The following RCBTB1 variants were observed in gnomAD, a reference collection of about 807,000 sequenced individuals.
RCBTB1 encodes the protein RCC1 and BTB domain-containing protein 1.
Under a neutral mutation model 62.4 loss-of-function variants are expected in RCBTB1, and 46 were observed. The observed-to-expected ratio is 0.74, with a 90% confidence interval of 0.58 to 0.94. The LOEUF (loss-of-function observed/expected upper bound fraction) is 0.94. Among genes scored for constraint, RCBTB1 ranks in the 40% least tolerant of loss-of-function variants. The pLI is 0.00. For synonymous variants in RCBTB1, 222 were observed against 245.8 expected, an observed-to-expected ratio of 0.90 and a Z score of 0.91; for missense variants, 565 against 654.9, an observed-to-expected ratio of 0.86 and a Z score of 1.50.
At chr13:49,564,079 C>T (rs1348107993) in intron 4 of RCBTB1, among the ~76,000 whole-genome samples, 1 of 152,080 alleles carries the variant, frequency 6.6e-6, no homozygotes, top group African/African-American at 2.4e-5. Context: ...GTTGGGTGCC[C>T]ACAGTACAGA....
At chr13:49,560,605 T>C (rs1195248234) in intron 4 of RCBTB1, among the ~76,000 whole-genome samples, 1 of 82,296 alleles carries the variant, frequency 1.2e-5, no homozygotes, top group Non-Finnish European at 2.4e-5. Flanking sequence ...GCATGAAATC[T>C]GGCTGAATTT....
chr13:49,552,706 G>C (rs879786349), intron 6 of RCBTB1, among the ~76,000 whole-genome samples: 2 of 152,116 alleles, frequency 1.3e-5, no homozygotes, highest in African/African-American at 4.8e-5. Context: ...ACAGCAAGGA[G>C]GAAGGCTTTA....
chr13:49,568,859 G>T (rs937106197), intron 2 of RCBTB1, among the ~76,000 whole-genome samples: 23 of 152,174 alleles, frequency 1.5e-4, no homozygotes, highest in African/African-American at 5.6e-4. Context: ...AACCCGGGAG[G>T]CGGAGGTTGC....
In RCBTB1 at chr13:49,534,082, T is replaced by C; in HGVS notation, c.*40A>G. ...CACAAACTGGACACATCCTCAACAG[T>C]GCCCCAGAGCACTCACACAGAACCC... On this transcript the variant is annotated 3_prime_UTR_variant, in exon 13 of 13. Coordinates refer to ENST00000378302, the MANE Select transcript of RCBTB1 (RefSeq NM_018191.4). 6.3e-6 allele frequency: 10 copies of C among 1,595,814 alleles called. No individual in the cohort carries two copies. The highest frequency in any genetic ancestry group is 8.5e-6 in the Non-Finnish European group (10 of 1,170,270).
intron 7 of RCBTB1, among the ~76,000 whole-genome samples, 154 bp from the exon 8 acceptor site, chr13:49,551,622 C>T (rs766892734): frequency 2.6e-5 from 4 of 152,166 alleles, no homozygotes; most frequent in Admixed American, 6.5e-5. Flanking sequence ...ATTAGAAGGC[C>T]GGGCGTGGTG....
At chr13:49,549,126 T>G (rs1442876295) in intron 9 of RCBTB1, among the ~76,000 whole-genome samples, 1 of 101,812 alleles carries the variant, frequency 9.8e-6, no homozygotes, top group African/African-American at 3.6e-5. Context: ...AGTGAGATTC[T>G]GTCTCAATAA....
intron 4 of RCBTB1, among the ~76,000 whole-genome samples, chr13:49,565,078 T>G (rs1962815743): frequency 6.6e-6 from 1 of 152,190 alleles, no homozygotes; most frequent in Non-Finnish European, 1.5e-5. Context: ...GAAGCTGGAC[T>G]GTACTGCTGC....
chr13:49,579,768 C>T (rs903491518), intron 2 of RCBTB1, among the ~76,000 whole-genome samples: 1 of 152,184 alleles, frequency 6.6e-6, no homozygotes, highest in African/African-American at 2.4e-5. Flanking sequence ...ATAATACCCC[C>T]ACCTTCATTT....
chr13:49,548,644 G>A (rs949605814), intron 9 of RCBTB1, among the ~76,000 whole-genome samples: 2 of 151,858 alleles, frequency 1.3e-5, no homozygotes, highest in African/African-American at 4.8e-5. Flanking sequence ...ATGAAATACA[G>A]AGACATATTA....
intron 2 of RCBTB1, among the ~76,000 whole-genome samples, chr13:49,570,319 G>T (rs893278289): frequency 6.6e-6 from 1 of 152,160 alleles, no homozygotes; most frequent in Non-Finnish European, 1.5e-5. Context: ...ATTATTATAC[G>T]CACTGACTTC....
At chr13:49,568,165 T>G (rs1963153203) in intron 2 of RCBTB1, among the ~76,000 whole-genome samples, 1 of 152,018 alleles carries the variant, frequency 6.6e-6, no homozygotes, top group South Asian at 2.1e-4. Flanking sequence ...CAAATGGAAG[T>G]TTTTTTTCCC....
intron 2 of RCBTB1, among the ~76,000 whole-genome samples, chr13:49,578,954 TACA>T (rs1428214232): frequency 6.6e-6 from 1 of 152,226 alleles, no homozygotes; most frequent in East Asian, 1.9e-4. Context: ...AACTTTGGTA[TACA>T]ACATTACAAC....
chr13:49,544,700 T>C (rs376059348), intron 10 of RCBTB1, 37 bp downstream of exon 10: 26 of 1,558,560 alleles, frequency 1.7e-5, no homozygotes, highest in Non-Finnish European at 2.3e-5. Flanking sequence ...GAAAGAAAAG[T>C]CAAGTTATTG....
intron 5 of RCBTB1, among the ~76,000 whole-genome samples, chr13:49,556,106 T>C (rs535383241): frequency 6.6e-6 from 1 of 152,112 alleles, no homozygotes; most frequent in Admixed American, 6.5e-5. Context: ...ATATGCCACA[T>C]AAGTATTAGT....
intron 2 of RCBTB1, among the ~76,000 whole-genome samples, chr13:49,570,786 C>T (rs1258620417): frequency 1.3e-5 from 2 of 152,216 alleles, no homozygotes; most frequent in East Asian, 1.9e-4. Context: ...AGCTTCCATA[C>T]ATTATTTCAT....
intron 10 of RCBTB1, among the ~76,000 whole-genome samples, chr13:49,543,531 T>C (rs1351714175): frequency 2.0e-5 from 3 of 152,206 alleles, no homozygotes; most frequent in Non-Finnish European, 2.9e-5. Context: ...TCCTTTCAAA[T>C]GTATTTCTTT....
intron 9 of RCBTB1, chr13:49,546,366 G>A: frequency 1.0e-6 from 1 of 985,220 alleles, no homozygotes; most frequent in Non-Finnish European, 1.2e-6. Context: ...TGGGTGGAAG[G>A]GAAAGAAGTT....
chr13:49,575,926 G>A (rs1050431922), intron 2 of RCBTB1, among the ~76,000 whole-genome samples: 3 of 152,014 alleles, frequency 2.0e-5, no homozygotes, highest in Non-Finnish European at 2.9e-5. Context: ...GGTGGCTCAC[G>A]CCTGTAATCC....
At chr13:49,547,342 C>T (rs1960883180) in intron 9 of RCBTB1, among the ~76,000 whole-genome samples, 1 of 152,136 alleles carries the variant, frequency 6.6e-6, no homozygotes, top group Admixed American at 6.5e-5. Flanking sequence ...GTCTGACACA[C>T]CTAAGCATGA....
Sources: allele counts gnomAD v4.1 joint callset (sites outside exome capture counted in the v4.1 genomes callset), GRCh38; gene constraint gnomAD v4.1.1; transcripts MANE v1.5; gene names NCBI Gene and HGNC (gene_info 2026-07-23, HGNC 2026-07-21).